SLC2A9: variants seen among roughly 807,000 people sequenced by gnomAD.
SLC2A9 encodes the protein solute carrier family 2, facilitated glucose transporter member 9.
Under a neutral mutation model 50.6 loss-of-function variants are expected in SLC2A9, and 39 were observed. The observed-to-expected ratio is 0.77, with a 90% CI of 0.60 to 1.01. The LOEUF is 1.01. SLC2A9 is among the 50% of genes least tolerant of loss of function. SLC2A9 has a pLI of 0.00. For synonymous variants in SLC2A9, 324 were observed against 276.9 expected, an observed-to-expected ratio of 1.17 and a Z score of -1.69; for missense variants, 686 against 677.6, an observed-to-expected ratio of 1.01 and a Z score of -0.14.
At chr4:9,839,461 C>A (rs1267397662) in intron 10 of SLC2A9, among the ~76,000 whole-genome samples, 1 of 152,048 alleles carries the variant, frequency 6.6e-6, no homozygotes, top group Admixed American at 6.6e-5. Context: ...AACTACTATT[C>A]GACCCAGCAA....
chr4:9,905,430 C>T (rs1740483358), intron 8 of SLC2A9, among the ~76,000 whole-genome samples: 1 of 152,218 alleles, frequency 6.6e-6, no homozygotes, highest in Admixed American at 6.5e-5. Context: ...TACCAACTGG[C>T]CATGGTCCAG....
chr4:9,833,958 C>A (rs979774013), intron 11 of SLC2A9, among the ~76,000 whole-genome samples: 1 of 152,196 alleles, frequency 6.6e-6, no homozygotes, highest in African/African-American at 2.4e-5. Flanking sequence ...GCTTGCAAAG[C>A]CTTTTGTGTT....
chr4:9,831,676 G>C (rs1726174646), intron 11 of SLC2A9, among the ~76,000 whole-genome samples: 1 of 152,216 alleles, frequency 6.6e-6, no homozygotes. Context: ...GACATAGCTT[G>C]AGTTCTGGTG....
rs565730538 is a variant in SLC2A9, at chr4:9,820,299, T to C, written n.420+6121A>G. The stretch of plus-strand genomic sequence containing the variant: ...TGTGGGTCTATTTCTGGATGCTCCA[T>C]TTTATTCCACTGATCTTTGTGTCTA... On this transcript the variant is annotated intron_variant and non_coding_transcript_variant, in intron 3 of 3. Transcript: ENST00000503280. Among the ~76,000 whole-genome samples the C allele has an allele frequency of 2.9e-4, 44 of 152,350 alleles. No individual in the cohort carries two copies. In the South Asian group the frequency reaches 6.6e-3, roughly 23 times the overall value.
intron 11 of SLC2A9, among the ~76,000 whole-genome samples, 153 bp from the exon 12 acceptor site, chr4:9,826,753 G>A (rs1725200615): frequency 6.6e-6 from 1 of 152,216 alleles, no homozygotes; most frequent in African/African-American, 2.4e-5. Flanking sequence ...TAAGGCAAGT[G>A]TACCCTACAT....
At chr4:9,933,041 T>C (rs1577958440) in intron 6 of SLC2A9, among the ~76,000 whole-genome samples, 1 of 152,332 alleles carries the variant, frequency 6.6e-6, no homozygotes. Context: ...TCTGCCCTGC[T>C]GCCACAGTCA....
intron 1 of SLC2A9, among the ~76,000 whole-genome samples, chr4:10,033,766 G>A (rs751282690): frequency 1.3e-5 from 2 of 152,190 alleles, no homozygotes; most frequent in Non-Finnish European, 2.9e-5. Context: ...GGGACGCTGA[G>A]GTGGGAAACG....
At position 9,844,162 on chromosome 4, in the gene SLC2A9, ATAAT is replaced by A. The variant is rs1560181650; in HGVS notation, c.1292-9158_1292-9155del. Among the ~76,000 whole-genome samples the A allele has an allele frequency of 2.8e-4, 9 of 31,606 alleles. 2 individuals are homozygous for A. The highest frequency in any genetic ancestry group is 7.3e-4 in the African/African-American group (4 of 5,448). 20.7% of individuals were successfully genotyped at this position (31,606 alleles called of 152,430 possible). A position where few individuals can be genotyped will look rare whatever the true frequency, so the allele number is the denominator to read the frequency against. On this transcript the variant is annotated intron_variant, in intron 10 of 11. Transcript: ENST00000264784. Reference sequence around the variant, plus strand: ...AGCCAGATTTAGTAAAAAAAAAATAATAATAAAAAAAAAAAAAAGTCCTTCTGAC... The same window carrying A: ...AGCCAGATTTAGTAAAAAAAAAATAAAAAAAAAAAAAAAAGTCCTTCTGAC...
Position 9,996,820 on chromosome 4 carries a change from C to G in SLC2A9, c.371G>C (p.Gly124Ala). The G allele has an allele frequency of 6.2e-7, 1 of 1,614,118 alleles. No individual in the cohort carries two copies. The highest frequency in any genetic ancestry group is 2.2e-5 in the East Asian group (1 of 44,876). The change falls in exon 3 of 12, where the codon GGG (glycine) becomes GCG (alanine). Residue 124 changes from glycine (G) to alanine (A), a missense_variant. Coordinates refer to ENST00000264784, the MANE Select transcript of SLC2A9 (RefSeq NM_020041.3). ...VSIFAIGGLV[G>A]TLIVKMIGKV... Reference sequence around the variant, plus strand: ...TCCAATCATCTTCACAATTAACGTCCCCACAAGTCCACCGATGGCGAATAT... The same window carrying G: ...TCCAATCATCTTCACAATTAACGTCGCCACAAGTCCACCGATGGCGAATAT...
At chr4:9,783,149 G>T in intron 3 of SLC2A9, 4 of 1,614,222 alleles carry the variant, frequency 2.5e-6, no homozygotes, top group Non-Finnish European at 3.4e-6. Flanking sequence ...CCAGCTGCTG[G>T]GGTGCAGCCA....
At chr4:9,818,671 G>C (rs2109029405) in intron 3 of SLC2A9, among the ~76,000 whole-genome samples, 1 of 152,362 alleles carries the variant, frequency 6.6e-6, no homozygotes, top group Non-Finnish European at 1.5e-5. Context: ...GCTCAGAGGA[G>C]CTGGACTAGA....
rs1577221863 is a variant in SLC2A9, at chr4:9,771,497, T to G, written n.182-128A>C. The G allele has an allele frequency of 2.0e-5, 8 of 398,644 alleles. No homozygotes were observed. The East Asian group carries it at 2.9e-4, about 14-fold the overall frequency. 24.7% of individuals were successfully genotyped at this position (398,644 alleles called of 1,614,324 possible). A position where few individuals can be genotyped will look rare whatever the true frequency, so the allele number is the denominator to read the frequency against. On this transcript the variant is annotated intron_variant and non_coding_transcript_variant, in intron 1 of 1. Transcript: ENST00000508585. ...AGTACCCAACACAACTGCCAAAGAG[T>G]CTGGGAAGCATAGAGAGTGCACAGA... is the stretch of plus-strand genomic sequence containing the variant.
chr4:9,839,440 C>T (rs1192297295), intron 10 of SLC2A9, among the ~76,000 whole-genome samples: 2 of 151,918 alleles, frequency 1.3e-5, no homozygotes, highest in African/African-American at 4.8e-5. Flanking sequence ...TCCTCAAAGA[C>T]CTAAAGACAG....
chr4:9,999,030 G>A (rs1033671249), intron 2 of SLC2A9, among the ~76,000 whole-genome samples: 5 of 151,032 alleles, frequency 3.3e-5, no homozygotes, highest in African/African-American at 1.2e-4. Context: ...GTCATCTCGG[G>A]GGATGACAGA....
At chr4:10,024,906 G>C (rs1222352068), upstream of SLC2A9, among the ~76,000 whole-genome samples, 1 of 152,194 alleles carries the variant, frequency 6.6e-6, no homozygotes, top group Non-Finnish European at 1.5e-5. Flanking sequence ...CAAATACTTA[G>C]ACAGTAGATC....
At chr4:9,967,604 G>T (rs1374858333) in intron 5 of SLC2A9, among the ~76,000 whole-genome samples, 3 of 151,662 alleles carry the variant, frequency 2.0e-5, no homozygotes, top group East Asian at 3.9e-4. Context: ...AAATTAAAAG[G>T]TTATTAAAAG....
chr4:9,964,277 C>A (rs1160063011), intron 5 of SLC2A9, among the ~76,000 whole-genome samples: 1 of 148,142 alleles, frequency 6.8e-6, no homozygotes, highest in Non-Finnish European at 1.5e-5. Context: ...TAACAAGTGC[C>A]TTCCCAGCTG....
chr4:9,917,558 T>C (rs1560300006), intron 7 of SLC2A9, among the ~76,000 whole-genome samples: 1 of 151,984 alleles, frequency 6.6e-6, no homozygotes, highest in African/African-American at 2.4e-5. Context: ...CTCAAACTCC[T>C]GACCTCAGGT....
chr4:9,926,821 C>T (rs766767808), intron 6 of SLC2A9, among the ~76,000 whole-genome samples: 1 of 152,014 alleles, frequency 6.6e-6, no homozygotes, highest in Non-Finnish European at 1.5e-5. Flanking sequence ...CTTGTCCTTA[C>T]AAGAGGAGAA....
Sources: allele counts gnomAD v4.1 joint callset (sites outside exome capture counted in the v4.1 genomes callset), GRCh38; gene constraint gnomAD v4.1.1; transcripts MANE v1.5; gene names NCBI Gene and HGNC (gene_info 2026-07-23, HGNC 2026-07-21).